ARID2: variants seen among roughly 807,000 people sequenced by gnomAD.
ARID2 encodes AT-rich interaction domain 2.
In ARID2, 32 loss-of-function variants were observed where a neutral mutation model predicts 184.6. The observed-to-expected ratio is 0.17, with a 90% CI of 0.13 to 0.23. ARID2 has a LOEUF of 0.23. ARID2 is among the 10% of genes least tolerant of loss of function. The pLI, the probability that ARID2 is intolerant of heterozygous loss-of-function variation, is 1.00. For missense variants in ARID2, 1,696 were observed against 2,197.6 expected, an observed-to-expected ratio of 0.77 and a Z score of 4.56; for synonymous variants, 836 against 772.6, an observed-to-expected ratio of 1.08 and a Z score of -1.36.
intron 3 of ARID2, among the ~76,000 whole-genome samples, chr12:45,764,788 C>G (rs1941742126): frequency 6.6e-6 from 1 of 152,148 alleles, no homozygotes. Flanking sequence ...TGCTTCCAGT[C>G]TTTGGTGATT....
At chr12:45,750,886 A>C (rs1160559207) in intron 3 of ARID2, among the ~76,000 whole-genome samples, 1 of 152,224 alleles carries the variant, frequency 6.6e-6, no homozygotes, top group Non-Finnish European at 1.5e-5. Flanking sequence ...AAGGTGACCC[A>C]AGTACAAAGT....
At chr12:45,879,305 A>G (rs943034629) in intron 16 of ARID2, among the ~76,000 whole-genome samples, 2 of 152,194 alleles carry the variant, frequency 1.3e-5, no homozygotes, top group African/African-American at 4.8e-5. Context: ...TTCATGAGAC[A>G]GACCTTTGTA....
rs113995856 is a variant in ARID2, at chr12:45,907,285, T to C, written c.*2207T>C. 873 of 232,976 alleles carry C rather than the reference T, an allele frequency of 3.7e-3. 11 individuals are homozygous for C. Among genetic ancestry groups the C allele is most frequent in the African/African-American group, 0.018 (824 of 45,448 alleles). 14.4% of individuals were successfully genotyped at this position (232,976 alleles called of 1,614,324 possible). ...CCAAAAATCTCTTTTAAAAAGTAAA[T>C]TTGTGCAACAACGTTTATTTGAAAG... On this transcript the variant is annotated 3_prime_UTR_variant, in exon 21 of 21. Transcript: ENST00000334344.
At position 45,851,452 on chromosome 12, in the gene ARID2, G is replaced by A. The variant is rs753485118; in HGVS notation, c.3329G>A (p.Gly1110Glu). ...GCCAGTAACCAAGCCGCAGGTTTTG[G>A]AGTGCAGGGGCAAACTCCAGCTCAG... ...QVASNQAAGF[G>E]VQGQTPAQQL... The change falls in exon 15 of 21, where the codon GGA becomes GAA. Residue 1110 changes from glycine (G) to glutamate (E), a missense_variant. Physicochemically the swap from Gly to Glu is moderately conservative, Grantham distance 98 (BLOSUM62 -2). Transcript: ENST00000334344. 1.5e-5 allele frequency: 25 copies of A among 1,614,016 alleles called. No homozygotes were observed. The highest frequency in any genetic ancestry group is 2.0e-5 in the Non-Finnish European group (24 of 1,180,008).
At chr12:45,795,059 GT>G (rs1028022717) in intron 3 of ARID2, among the ~76,000 whole-genome samples, 15 of 147,388 alleles carry the variant, frequency 1.0e-4, no homozygotes, top group South Asian at 2.2e-4. Flanking sequence ...ATTCTGCAAG[GT>G]TTTTTTTTTA....
intron 3 of ARID2, among the ~76,000 whole-genome samples, chr12:45,790,010 T>C (rs1489403195): frequency 6.6e-6 from 1 of 152,162 alleles, no homozygotes; most frequent in Admixed American, 6.5e-5. Flanking sequence ...CAGCTCACAA[T>C]TTATGTGATT....
intron 16 of ARID2, among the ~76,000 whole-genome samples, chr12:45,888,203 A>G (rs1944229364): frequency 6.6e-6 from 1 of 152,108 alleles, no homozygotes; most frequent in Non-Finnish European, 1.5e-5. Context: ...TCAAAAAAAA[A>G]AAAAAAGCTC....
intron 8 of ARID2, 105 bp from the exon 9 acceptor site, chr12:45,837,216 T>C (rs1197525615): frequency 8.5e-7 from 1 of 1,181,574 alleles, no homozygotes; most frequent in Non-Finnish European, 1.2e-6. Flanking sequence ...TAACATTTTT[T>C]AACGTTATGC....
At chr12:45,752,871 A>G (rs1420758903) in intron 3 of ARID2, among the ~76,000 whole-genome samples, 1 of 152,264 alleles carries the variant, frequency 6.6e-6, no homozygotes, top group African/African-American at 2.4e-5. Flanking sequence ...AGAGGAAGTC[A>G]TCGGGGATAC....
chr12:45,801,539 G>A (rs374028254), intron 3 of ARID2, among the ~76,000 whole-genome samples: 6 of 152,172 alleles, frequency 3.9e-5, no homozygotes, highest in Admixed American at 6.5e-5. Context: ...AAGTAAAAGC[G>A]CCAACTGTGA....
intron 6 of ARID2, among the ~76,000 whole-genome samples, chr12:45,832,242 A>G (rs1943136070): frequency 1.3e-5 from 2 of 152,152 alleles, no homozygotes; most frequent in Admixed American, 1.3e-4. Flanking sequence ...CTTATTGACA[A>G]GAAGTCAACT....
At chr12:45,893,606 T>C (rs758212438) in intron 19 of ARID2, 24 bp from the exon 20 acceptor site, 56 of 1,602,396 alleles carry the variant, frequency 3.5e-5, no homozygotes, top group South Asian at 1.9e-4. Flanking sequence ...AGATCTTTAT[T>C]CTTTTTTTTC....
chr12:45,827,986 T>A (rs551698813), intron 6 of ARID2, among the ~76,000 whole-genome samples: 23 of 152,238 alleles, frequency 1.5e-4, no homozygotes, highest in African/African-American at 5.1e-4. Flanking sequence ...TGTAATTTAA[T>A]ATATTATCTT....
intron 3 of ARID2, among the ~76,000 whole-genome samples, chr12:45,744,350 G>T (rs943701080): frequency 1.3e-5 from 2 of 151,944 alleles, no homozygotes; most frequent in African/African-American, 4.8e-5. Context: ...ATCAGATTTA[G>T]TGATTTTTTT....
intron 3 of ARID2, among the ~76,000 whole-genome samples, chr12:45,798,908 A>T (rs1942442279): frequency 6.6e-6 from 1 of 151,730 alleles, no homozygotes; most frequent in Non-Finnish European, 1.5e-5. Context: ...TTCAGACTGT[A>T]ATTATATTCT....
intron 3 of ARID2, among the ~76,000 whole-genome samples, chr12:45,804,954 ATTTTCT>A: frequency 6.6e-6 from 1 of 151,738 alleles, no homozygotes; most frequent in Non-Finnish European, 1.5e-5. Flanking sequence ...TTCTGAAATG[ATTTTCT>A]TTTACTTACC....
Position 45,905,282 on chromosome 12 carries a change from G to GA in ARID2, c.*204_*205insA. On this transcript the variant is annotated 3_prime_UTR_variant, in exon 21 of 21. Coordinates refer to ENST00000334344, the MANE Select transcript of ARID2 (RefSeq NM_152641.4). ...GTTTAAAAAAATCTAAAAAGAAAAA[G>GA]GAAAAAAAAAAAAGAACTGCTGTGG... 9.2e-6 allele frequency: 4 copies of GA among 435,736 alleles called. No homozygotes were observed. The highest frequency in any genetic ancestry group is 4.3e-5 in the Admixed American group (1 of 23,200). The allele number at this position is 435,736 out of a possible 1,614,324, so 27.0% of individuals were successfully genotyped here. A position where few individuals can be genotyped will look rare whatever the true frequency, so the allele number is the denominator to read the frequency against.
intron 3 of ARID2, among the ~76,000 whole-genome samples, chr12:45,749,273 CA>C (rs2137991386): frequency 6.6e-6 from 1 of 152,296 alleles, no homozygotes; most frequent in Non-Finnish European, 1.5e-5. Context: ...CTTGGGTGAC[CA>C]TTGTCAGTGA....
At chr12:45,733,703 A>G (rs1430690636) in intron 3 of ARID2, among the ~76,000 whole-genome samples, 1 of 152,226 alleles carries the variant, frequency 6.6e-6, no homozygotes, top group African/African-American at 2.4e-5. Flanking sequence ...AATATTACAG[A>G]TAATTTAAAT....
Sources: gnomAD v4.1 joint callset for allele counts (sites outside exome capture counted in the v4.1 genomes callset) on GRCh38, gnomAD v4.1.1 for gene constraint, MANE v1.5 for transcripts, NCBI Gene and HGNC (gene_info 2026-07-23, HGNC 2026-07-21) for gene names.